FGF13: variants seen among roughly 807,000 people sequenced by gnomAD.
FGF13 encodes the protein fibroblast growth factor homologous factor 2.
In FGF13, 2 loss-of-function variants were observed where a neutral mutation model predicts 19.5. The ratio of observed to expected loss-of-function variants is 0.10; its 90% CI spans 0.04 to 0.32. The LOEUF is 0.32. Ranked by LOEUF, FGF13 falls within the 10% of genes least tolerant of loss-of-function variation. The pLI is 1.00. For synonymous variants in FGF13, 72 were observed against 76.9 expected (o/e 0.94, Z 0.33); for missense variants, 113 against 192.7 (o/e 0.59, Z 2.45).
intron 1 of FGF13, among the ~76,000 whole-genome samples, chrX:138,737,562 A>G (rs1324023101): frequency 2.7e-5 from 3 of 111,980 alleles, no homozygotes; most frequent in Non-Finnish European, 5.6e-5. Flanking sequence ...CAATCAACCT[A>G]TAAGTCTATT....
At chrX:138,788,045 A>T (rs1438298367) in intron 3 of FGF13, among the ~76,000 whole-genome samples, 1 of 111,724 alleles carries the variant, frequency 9.0e-6, no homozygotes, top group Non-Finnish European at 1.9e-5. Context: ...TTAATTTTCA[A>T]CTCCAAAGTC....
chrX:139,076,638 G>T (rs185537643), intron 1 of FGF13, among the ~76,000 whole-genome samples: 3 of 111,512 alleles, frequency 2.7e-5, no homozygotes, highest in Non-Finnish European at 3.8e-5. Context: ...AAAATGCAAC[G>T]CTATACTACC....
intron 1 of FGF13, among the ~76,000 whole-genome samples, chrX:139,004,964 C>T (rs932768215): frequency 8.9e-6 from 1 of 112,216 alleles, no homozygotes; most frequent in Non-Finnish European, 1.9e-5. Flanking sequence ...CCAGACAGCA[C>T]CTCTGGACCT....
intron 1 of FGF13, among the ~76,000 whole-genome samples, chrX:138,972,458 G>A (rs962882337): frequency 4.7e-5 from 5 of 106,324 alleles, no homozygotes; most frequent in Middle Eastern, 4.8e-3. Context: ...CCGGGTTCAC[G>A]CCATTCTCCT....
At chrX:139,002,133 T>C (rs1196348143) in intron 1 of FGF13, among the ~76,000 whole-genome samples, 1 of 110,046 alleles carries the variant, frequency 9.1e-6, no homozygotes, top group Non-Finnish European at 1.9e-5. Flanking sequence ...AAGTGGGAGA[T>C]GAGCAATGAG....
At chrX:138,730,360 G>A (rs182510484) in intron 1 of FGF13, among the ~76,000 whole-genome samples, 1,651 of 110,983 alleles carry the variant, frequency 0.015, 34 homozygotes, top group African/African-American at 0.051. Context: ...AATAATGTGT[G>A]CATGTATATA....
intron 1 of FGF13, among the ~76,000 whole-genome samples, chrX:139,046,663 A>G (rs2092288479): frequency 9.0e-6 from 1 of 111,364 alleles, no homozygotes; most frequent in Non-Finnish European, 1.9e-5. Context: ...TTTATTAGTA[A>G]TAATTCTGGC....
intron 3 of FGF13, among the ~76,000 whole-genome samples, chrX:138,800,617 GC>G (rs1200842562): frequency 2.7e-5 from 3 of 111,620 alleles, no homozygotes; most frequent in African/African-American, 9.8e-5. Context: ...TTGAATGATG[GC>G]CTGTCTTGCT....
chrX:138,699,712 A>G (rs138897022), intron 3 of FGF13, among the ~76,000 whole-genome samples: 1,332 of 112,274 alleles, frequency 0.012, 21 homozygotes, highest in South Asian at 0.054. Context: ...GGTCACTTTC[A>G]TGCTGTTATT....
At chrX:138,960,928 T>G (rs754465080) in intron 1 of FGF13, among the ~76,000 whole-genome samples, 33 of 111,488 alleles carry the variant, frequency 3.0e-4, no homozygotes, top group Non-Finnish European at 6.0e-4. Flanking sequence ...TTTCAAGGTT[T>G]TTAGCTTCCT....
At chrX:138,748,755 C>G (rs759850138) in intron 3 of FGF13, among the ~76,000 whole-genome samples, 1 of 111,224 alleles carries the variant, frequency 9.0e-6, no homozygotes, top group Non-Finnish European at 1.9e-5. Context: ...GTTTTAAAAA[C>G]GGAAATCCAC....
chrX:138,633,515 C>A (rs951916388), intron 4 of FGF13, among the ~76,000 whole-genome samples: 2 of 111,945 alleles, frequency 1.8e-5, no homozygotes, highest in African/African-American at 6.5e-5. Context: ...GCATACTGTA[C>A]AAGGCAAATA....
rs756548759 is a variant in FGF13, at chrX:138,703,039, C to T, written c.347G>A (p.Gly116Glu). 40 of 1,209,813 alleles carry T rather than the reference C, an allele frequency of 3.3e-5. No individual in the cohort carries two copies. The highest frequency in any genetic ancestry group is 4.5e-5 in the Non-Finnish European group (40 of 893,832). Residue 116 changes from glycine (G) to glutamate (E), a missense_variant, in exon 3 of 5, where the codon GGA becomes GAA. Around this residue, in one of 4 missense-constraint regions of FGF13, gnomAD observed 51 missense variants for 78.5 expected, o/e 0.65. Transcript: ENST00000315930. ...PVGLRVVAIQ[G>E]VQTKLYLAMN... ...TGCCAAGTACAGCTTGGTTTGAACT[C>T]CTTGGATAGCCACCACTCGCAGACC...
rs373565737 is a variant in FGF13, at chrX:138,820,130, A to G, written c.217+37382T>C. On this transcript the variant is annotated intron_variant, in intron 3 of 6. Coordinates refer to the FGF13 transcript ENST00000436198. The stretch of plus-strand genomic sequence containing the variant: ...ATTAAACAAAAAGAATGAAGGTGGA[A>G]AAACAAAAATTCTTTTATTTAAGTG... Among the ~76,000 whole-genome samples, 10 of 112,250 alleles carry G rather than the reference A, an allele frequency of 8.9e-5. No individual in the cohort carries two copies. In the East Asian group the frequency reaches 2.8e-3, roughly 31 times the overall value.
At chrX:138,865,318 A>C (rs142632446) in intron 1 of FGF13, among the ~76,000 whole-genome samples, 1,672 of 111,796 alleles carry the variant, frequency 0.015, 42 homozygotes, top group African/African-American at 0.051. Flanking sequence ...CTGGGGCCTG[A>C]GCACTGGTAG....
intron 1 of FGF13, among the ~76,000 whole-genome samples, chrX:139,176,380 G>GTTT (rs36133825): frequency 1.1e-5 from 1 of 89,020 alleles, no homozygotes; most frequent in Non-Finnish European, 2.3e-5. Flanking sequence ...TTTTTGAAGG[G>GTTT]TTTTTTTTTT....
intron 1 of FGF13, among the ~76,000 whole-genome samples, chrX:139,100,041 A>ACAC (rs2083498116): frequency 1.3e-5 from 1 of 76,425 alleles, no homozygotes; most frequent in Non-Finnish European, 2.5e-5. Flanking sequence ...GGGGAAAGCA[A>ACAC]ACACACACAC....
chrX:139,095,464 C>T (rs1163929142), intron 1 of FGF13, among the ~76,000 whole-genome samples: 1 of 111,771 alleles, frequency 8.9e-6, no homozygotes, highest in Non-Finnish European at 1.9e-5. Flanking sequence ...AGGTGTTTGA[C>T]AAATAGCTGA....
intron 3 of FGF13, among the ~76,000 whole-genome samples, chrX:138,650,633 CATA>C (rs1423520740): frequency 9.0e-6 from 1 of 111,514 alleles, no homozygotes; most frequent in African/African-American, 3.3e-5. Context: ...TTAGTTTACA[CATA>C]ATAACTGTAC....
Sources: allele counts gnomAD v4.1 joint callset (sites outside exome capture counted in the v4.1 genomes callset), GRCh38; gene constraint gnomAD v4.1.1; regional missense constraint gnomAD v4.1.1; transcripts MANE v1.5; gene names NCBI Gene and HGNC (gene_info 2026-07-23, HGNC 2026-07-21).